KCNMA1: variants seen among roughly 807,000 people sequenced by gnomAD.
KCNMA1 encodes Calcium-activated potassium channel subunit alpha-1.
Under a neutral mutation model 140.0 loss-of-function variants are expected in KCNMA1, and 29 were observed. That is an observed-to-expected ratio of 0.21 (90% CI 0.15 to 0.28). The LOEUF (loss-of-function observed/expected upper bound fraction) is 0.28. Among genes scored for constraint, KCNMA1 ranks in the 10% least tolerant of loss-of-function variants. KCNMA1 has a pLI of 1.00. For synonymous variants in KCNMA1, 612 were observed against 611.9 expected (o/e 1.00, Z 0.00); for missense variants, 880 against 1,602.2 (o/e 0.55, Z 7.70).
chr10:77,110,027 G>T, intron 8 of KCNMA1, 146 bp downstream of exon 8: 1 of 746,940 alleles, frequency 1.3e-6, no homozygotes, highest in Non-Finnish European at 2.3e-6. Flanking sequence ...AGTCACCATC[G>T]TGTTTGGATT....
At chr10:77,035,489 G>C (rs879769139) in intron 15 of KCNMA1, among the ~76,000 whole-genome samples, 1 of 152,120 alleles carries the variant, frequency 6.6e-6, no homozygotes, top group Non-Finnish European at 1.5e-5. Context: ...AGCCACCCTA[G>C]GGAAACTGAA....
chr10:76,880,533 CG>C (rs1425150043), downstream of KCNMA1, among the ~76,000 whole-genome samples: 1 of 152,146 alleles, frequency 6.6e-6, no homozygotes, highest in Non-Finnish European at 1.5e-5. Context: ...ATGCTCTGGG[CG>C]TTTTACTAAA....
intron 15 of KCNMA1, among the ~76,000 whole-genome samples, chr10:77,028,304 A>G (rs958417306): frequency 2.0e-5 from 3 of 152,034 alleles, no homozygotes; most frequent in African/African-American, 7.2e-5. Context: ...AATGGCTCAT[A>G]TTGTTGTTCC....
intron 25 of KCNMA1, among the ~76,000 whole-genome samples, chr10:76,897,108 T>C (rs1209300484): frequency 1.3e-5 from 2 of 151,902 alleles, no homozygotes; most frequent in Non-Finnish European, 2.9e-5. Flanking sequence ...GATATAGGGA[T>C]TTTTGTTTGT....
chr10:77,416,258 A>G (rs1301604056), intron 1 of KCNMA1, among the ~76,000 whole-genome samples: 1 of 152,106 alleles, frequency 6.6e-6, no homozygotes, highest in Admixed American at 6.5e-5. Flanking sequence ...GGTCTGAGGG[A>G]TGGAGGCATG....
chr10:77,600,648 T>C (rs974520089), intron 1 of KCNMA1, among the ~76,000 whole-genome samples: 1 of 152,178 alleles, frequency 6.6e-6, no homozygotes, highest in Non-Finnish European at 1.5e-5. Context: ...CTCAGGAGGC[T>C]GAGGCAGGAG....
At position 76,887,245 on chromosome 10, in the gene KCNMA1, C is replaced by A; in HGVS notation, c.*21G>T. The A allele has an allele frequency of 6.2e-7, 1 of 1,614,092 alleles. No homozygotes were observed. The highest frequency in any genetic ancestry group is 8.5e-7 in the Non-Finnish European group (1 of 1,180,016). On this transcript the variant is annotated 3_prime_UTR_variant, in exon 28 of 28. Coordinates refer to ENST00000286628, the MANE Select transcript of KCNMA1 (RefSeq NM_001161352.2). ...AATGAGTGGCAGATACAGTTTCACA[C>A]AGTGGCGGTGGATACACATATCAAA... is the stretch of plus-strand genomic sequence containing the variant.
At chr10:77,200,420 G>C (rs1012908481) in intron 3 of KCNMA1, among the ~76,000 whole-genome samples, 1 of 152,182 alleles carries the variant, frequency 6.6e-6, no homozygotes, top group African/African-American at 2.4e-5. Context: ...ACTAAGATGA[G>C]CATCATTGTT....
At chr10:77,434,240 C>T (rs2097209373) in intron 1 of KCNMA1, among the ~76,000 whole-genome samples, 1 of 152,226 alleles carries the variant, frequency 6.6e-6, no homozygotes, top group Non-Finnish European at 1.5e-5. Context: ...ACCTTCTAGG[C>T]TATTTTCTCT....
intron 3 of KCNMA1, among the ~76,000 whole-genome samples, chr10:77,242,261 G>A (rs1317439650): frequency 6.6e-6 from 1 of 152,204 alleles, no homozygotes; most frequent in African/African-American, 2.4e-5. Context: ...ACTGGATAGA[G>A]TCCGCTTCTC....
At chr10:77,311,432 C>T (rs1244254922) in intron 2 of KCNMA1, among the ~76,000 whole-genome samples, 2 of 152,066 alleles carry the variant, frequency 1.3e-5, no homozygotes, top group Non-Finnish European at 2.9e-5. Context: ...GACAAGGAAA[C>T]CCATGAGAAG....
intron 1 of KCNMA1, among the ~76,000 whole-genome samples, chr10:77,469,026 C>T (rs530196036): frequency 1.3e-5 from 2 of 152,136 alleles, no homozygotes; most frequent in Admixed American, 1.3e-4. Flanking sequence ...CCACCCTCCC[C>T]GACCACTTCG....
intron 2 of KCNMA1, among the ~76,000 whole-genome samples, chr10:77,281,654 C>T (rs1309834653): frequency 1.3e-5 from 2 of 152,088 alleles, no homozygotes; most frequent in African/African-American, 4.8e-5. Flanking sequence ...CCGGTGACTG[C>T]CTTATGATGG....
intron 1 of KCNMA1, among the ~76,000 whole-genome samples, chr10:77,545,410 C>T (rs977018382): frequency 6.6e-5 from 10 of 152,138 alleles, no homozygotes; most frequent in Admixed American, 1.3e-4. Flanking sequence ...GTAGATTTTC[C>T]ACCAAGTGTG....
At chr10:77,198,444 A>G (rs2041347564) in intron 3 of KCNMA1, among the ~76,000 whole-genome samples, 1 of 152,002 alleles carries the variant, frequency 6.6e-6, no homozygotes, top group Non-Finnish European at 1.5e-5. Context: ...CTCAGCATGA[A>G]TGACAGGTGA....
chr10:77,266,157 G>A (rs759338621), intron 2 of KCNMA1, among the ~76,000 whole-genome samples: 6 of 151,456 alleles, frequency 4.0e-5, no homozygotes, highest in Non-Finnish European at 7.4e-5. Flanking sequence ...TTGTAAAGGT[G>A]TGGCTGAGGA....
At chr10:77,422,584 G>C (rs1335922808) in intron 1 of KCNMA1, among the ~76,000 whole-genome samples, 2 of 152,146 alleles carry the variant, frequency 1.3e-5, no homozygotes, top group Non-Finnish European at 2.9e-5. Flanking sequence ...CAAAAGATTT[G>C]TTTCAATAGT....
At chr10:76,941,018 GAAGAAAGA>G (rs758943097) in intron 23 of KCNMA1, among the ~76,000 whole-genome samples, 41 of 38,264 alleles carry the variant, frequency 1.1e-3, no homozygotes, top group Middle Eastern at 0.01. Flanking sequence ...AGGAAGGAAG[GAAGAAAGA>G]AAGAAAGAAA....
chr10:77,011,643 G>A (rs2090780381), intron 18 of KCNMA1, among the ~76,000 whole-genome samples: 1 of 152,122 alleles, frequency 6.6e-6, no homozygotes, highest in Admixed American at 6.5e-5. Flanking sequence ...TTTGTGCTCT[G>A]TGGCTTTAGT....
Sources: allele counts gnomAD v4.1 joint callset (sites outside exome capture counted in the v4.1 genomes callset), GRCh38; gene constraint gnomAD v4.1.1; transcripts MANE v1.5; gene names NCBI Gene and HGNC (gene_info 2026-07-23, HGNC 2026-07-21).